BMP5: variants seen among roughly 807,000 people sequenced by gnomAD.
BMP5 encodes bone morphogenetic protein 5.
In BMP5, 23 loss-of-function variants were observed where a neutral mutation model predicts 46.6. The observed-to-expected ratio is 0.49, with a 90% CI of 0.35 to 0.70. The LOEUF (loss-of-function observed/expected upper bound fraction) is 0.70. Ranked by LOEUF, BMP5 falls within the 30% of genes least tolerant of loss-of-function variation. The pLI, the probability that BMP5 is intolerant of heterozygous loss-of-function variation, is 0.00. For missense variants in BMP5, 545 were observed against 565.6 expected (o/e 0.96, Z 0.37); for synonymous variants, 204 against 191.9 (o/e 1.06, Z -0.52).
At chr6:55,817,892 A>C (rs1776315042) in intron 2 of BMP5, among the ~76,000 whole-genome samples, 1 of 152,192 alleles carries the variant, frequency 6.6e-6, no homozygotes, top group Non-Finnish European at 1.5e-5. Flanking sequence ...AAAACAATGT[A>C]CATAATGGAA....
In BMP5 at chr6:55,803,015, G is replaced by A. The variant is rs138428552; in HGVS notation, c.684-8588C>T. On this transcript the variant is annotated intron_variant, in intron 2 of 6. Transcript: ENST00000370830. ...ATAAGTTATGAATGGTGCCGGGTGC[G>A]GTGGCTCATGCCTGTAATCCCAGCA... Among the ~76,000 whole-genome samples the A allele has an allele frequency of 7.3e-3, 1,107 of 151,862 alleles. 11 individuals carry two copies. Among genetic ancestry groups the A allele is most frequent in the African/African-American group, 0.023 (963 of 41,430 alleles).
At chr6:55,773,451 A>G (rs1176267624) in intron 4 of BMP5, among the ~76,000 whole-genome samples, 2 of 151,838 alleles carry the variant, frequency 1.3e-5, no homozygotes, top group Admixed American at 6.6e-5. Flanking sequence ...ATTAATTTGC[A>G]AAGACTGACA....
At chr6:55,758,340 C>T (rs1406885189) in intron 6 of BMP5, among the ~76,000 whole-genome samples, 1 of 151,762 alleles carries the variant, frequency 6.6e-6, no homozygotes, top group Non-Finnish European at 1.5e-5. Flanking sequence ...GTACATCAGA[C>T]TCTCAATAGG....
At chr6:55,816,542 A>G (rs376258425) in intron 2 of BMP5, among the ~76,000 whole-genome samples, 81 of 152,244 alleles carry the variant, frequency 5.3e-4, no homozygotes, top group African/African-American at 1.9e-3. Context: ...TTATAAATGG[A>G]ACCATTAGAT....
intron 2 of BMP5, among the ~76,000 whole-genome samples, chr6:55,811,679 C>T (rs1163469109): frequency 1.3e-5 from 2 of 152,010 alleles, no homozygotes. Context: ...CCTTCCCTCT[C>T]TCTTTCTCCC....
At chr6:55,823,750 C>T (rs1299827491) in intron 1 of BMP5, among the ~76,000 whole-genome samples, 1 of 151,908 alleles carries the variant, frequency 6.6e-6, no homozygotes. Context: ...CTTTATGATG[C>T]TCCCATAATA....
At chr6:55,870,321 G>A (rs759260652) in intron 1 of BMP5, among the ~76,000 whole-genome samples, 5 of 151,948 alleles carry the variant, frequency 3.3e-5, no homozygotes, top group Non-Finnish European at 5.9e-5. Flanking sequence ...AAAGAATCCC[G>A]TTGGTCGTGA....
intron 3 of BMP5, among the ~76,000 whole-genome samples, chr6:55,783,881 A>G (rs1289827953): frequency 2.0e-5 from 3 of 151,988 alleles, no homozygotes; most frequent in Non-Finnish European, 4.4e-5. Context: ...GCACTTCTGA[A>G]CCCCTTTTCA....
At chr6:55,778,261 G>A (rs1387011905) in intron 3 of BMP5, among the ~76,000 whole-genome samples, 1 of 151,886 alleles carries the variant, frequency 6.6e-6, no homozygotes, top group African/African-American at 2.4e-5. Context: ...GGTAATAGGA[G>A]GTAAAAAGCT....
At chr6:55,846,087 G>A (rs549577089) in intron 1 of BMP5, among the ~76,000 whole-genome samples, 1 of 151,832 alleles carries the variant, frequency 6.6e-6, no homozygotes, top group African/African-American at 2.4e-5. Context: ...GCCCCACACA[G>A]TCTTTGAATG....
intron 1 of BMP5, among the ~76,000 whole-genome samples, chr6:55,825,680 G>T (rs1304442512): frequency 1.3e-5 from 2 of 151,736 alleles, no homozygotes; most frequent in African/African-American, 4.8e-5. Context: ...AAATTGTCCT[G>T]GGCTAAATAT....
intron 1 of BMP5, among the ~76,000 whole-genome samples, chr6:55,848,045 A>G (rs570816676): frequency 6.6e-6 from 1 of 152,006 alleles, no homozygotes; most frequent in South Asian, 2.1e-4. Context: ...ACTTCTATTT[A>G]CTTTCCTAGT....
At chr6:55,806,995 T>G (rs1776006335) in intron 2 of BMP5, among the ~76,000 whole-genome samples, 1 of 152,186 alleles carries the variant, frequency 6.6e-6, no homozygotes, top group Admixed American at 6.5e-5. Flanking sequence ...TTTCTAAATG[T>G]AGAATCATGC....
rs115275090 is a variant in BMP5, at chr6:55,860,222, C to T, written c.490+14154G>A. 9.3e-3 allele frequency among the ~76,000 whole-genome samples: 1,411 copies of T among 151,836 alleles called. 11 individuals carry two copies. The highest frequency in any genetic ancestry group is 0.014 in the Non-Finnish European group (970 of 67,928). On this transcript the variant is annotated intron_variant, in intron 1 of 6. Coordinates refer to ENST00000370830, the MANE Select transcript of BMP5 (RefSeq NM_021073.4). Reference sequence around the variant, plus strand: ...CCCAGGAGGTGAGGCTGCAGTGAGCCGAGATCACACCACTGACCTCCAGCC... The same window carrying T: ...CCCAGGAGGTGAGGCTGCAGTGAGCTGAGATCACACCACTGACCTCCAGCC...
At chr6:55,758,865 C>T (rs1161861304) in intron 6 of BMP5, 140 bp downstream of exon 6, 5 of 699,932 alleles carry the variant, frequency 7.1e-6, no homozygotes, top group African/African-American at 1.8e-5. Context: ...ACAGTTGTTA[C>T]TTCAGCTCTA....
In BMP5 at chr6:55,875,016, C is replaced by T; in HGVS notation, c.-151G>A. 1.2e-6 allele frequency: 1 copy of T among 826,958 alleles called. No homozygotes were observed. The highest frequency in any genetic ancestry group is 2.6e-5 in the East Asian group (1 of 38,852). 51.2% of individuals were successfully genotyped at this position (826,958 alleles called of 1,614,324 possible). The stretch of plus-strand genomic sequence containing the variant: ...ACAGTGACATTTCTGAGCACAACAT[C>T]CTCACCGATTTTCCTGTCCTATTTT... On this transcript the variant is annotated 5_prime_UTR_variant, in exon 1 of 7. Transcript: ENST00000370830.
chr6:55,842,306 G>A (rs1034585405), intron 1 of BMP5, among the ~76,000 whole-genome samples: 1 of 152,198 alleles, frequency 6.6e-6, no homozygotes, highest in South Asian at 2.1e-4. Context: ...GACCCTAACC[G>A]AATGTTCAAG....
intron 3 of BMP5, among the ~76,000 whole-genome samples, chr6:55,780,472 AAG>A (rs1554180998): frequency 1.6e-5 from 2 of 125,584 alleles, no homozygotes; most frequent in African/African-American, 6.3e-5. Context: ...AAAAAAAAAA[AAG>A]AAAGAAAGAA....
rs116739161 is a variant in BMP5 at position 55,772,856 on chromosome 6, G to A, written c.1027+1193C>T. 1,191 of 985,036 alleles carry A rather than the reference G, an allele frequency of 1.2e-3. 10 individuals are homozygous for A. In the African/African-American group the frequency reaches 0.019, roughly 16 times the overall value. 61.0% of individuals were successfully genotyped at this position (985,036 alleles called of 1,614,324 possible). A position where few individuals can be genotyped will look rare whatever the true frequency, so the allele number is the denominator to read the frequency against. On this transcript the variant is annotated intron_variant, in intron 4 of 6. Coordinates refer to ENST00000370830, the MANE Select transcript of BMP5 (RefSeq NM_021073.4). ...GGACTTCTAACGTGATTCTCCTGGT[G>A]CCTACCCTTTAGGAAAAGTCCAATG... is the stretch of plus-strand genomic sequence containing the variant.
Sources: gnomAD v4.1 joint callset for allele counts (sites outside exome capture counted in the v4.1 genomes callset) on GRCh38, gnomAD v4.1.1 for gene constraint, MANE v1.5 for transcripts, NCBI Gene and HGNC (gene_info 2026-07-23, HGNC 2026-07-21) for gene names.